SCAPER: variants seen among roughly 807,000 people sequenced by gnomAD.
The protein encoded by SCAPER is S-phase cyclin A associated protein in the ER, also known as S phase cyclin A-associated protein in the endoplasmic reticulum.
Under a neutral mutation model 182.2 loss-of-function variants are expected in SCAPER, and 98 were observed. The observed-to-expected ratio is 0.54, with a 90% confidence interval of 0.46 to 0.64. SCAPER has a LOEUF of 0.64. Among genes scored for constraint, SCAPER ranks in the 30% least tolerant of loss-of-function variants. The pLI is 0.00. For synonymous variants in SCAPER, 605 were observed against 564.6 expected (o/e 1.07, Z -1.01); for missense variants, 1,432 against 1,690.0 (o/e 0.85, Z 2.68).
chr15:76,779,191 C>G (rs1007783520), intron 8 of SCAPER, among the ~76,000 whole-genome samples: 2 of 151,704 alleles, frequency 1.3e-5, no homozygotes, highest in African/African-American at 4.8e-5. Context: ...TAAGATCAAC[C>G]AACAGAAAAT....
intron 21 of SCAPER, among the ~76,000 whole-genome samples, chr15:76,649,702 T>TA (rs35514634): frequency 0.27 from 40,831 of 149,894 alleles, 6,318 homozygotes; most frequent in East Asian, 0.55. Flanking sequence ...CCAAAGCCAT[T>TA]AAAAAAACAC....
intron 15 of SCAPER, among the ~76,000 whole-genome samples, chr15:76,749,462 A>G (rs1332331222): frequency 6.6e-6 from 1 of 152,090 alleles, no homozygotes; most frequent in Non-Finnish European, 1.5e-5. Flanking sequence ...CTTCACAACT[A>G]CTCAACACTG....
intron 26 of SCAPER, among the ~76,000 whole-genome samples, chr15:76,421,931 T>C (rs1486402053): frequency 6.6e-6 from 1 of 152,156 alleles, no homozygotes; most frequent in East Asian, 1.9e-4. Flanking sequence ...CAGATAGTTG[T>C]AGATGTGTGT....
At chr15:76,857,124 C>T (rs1051774888) in intron 4 of SCAPER, among the ~76,000 whole-genome samples, 2 of 152,016 alleles carry the variant, frequency 1.3e-5, no homozygotes, top group Non-Finnish European at 2.9e-5. Context: ...GAGCTAAGAG[C>T]ATAAACTGTG....
chr15:76,740,912 C>A (rs370208716), intron 15 of SCAPER, among the ~76,000 whole-genome samples: 1 of 151,916 alleles, frequency 6.6e-6, no homozygotes, highest in South Asian at 2.1e-4. Flanking sequence ...GGATGATATA[C>A]GAGTGCTAAT....
intron 23 of SCAPER, chr15:76,567,309 AT>A: frequency 2.2e-6 from 1 of 453,100 alleles, no homozygotes; most frequent in South Asian, 1.6e-5. Context: ...TTCTTGCACT[AT>A]TTTCCATATG....
At chr15:76,877,144 G>A (rs146346574) in intron 2 of SCAPER, among the ~76,000 whole-genome samples, 1,645 of 151,652 alleles carry the variant, frequency 0.011, 11 homozygotes, top group Non-Finnish European at 0.018. Context: ...CCAGGAGGTC[G>A]AGGCAGCAGT....
rs534504622 is a variant in SCAPER at position 76,678,487 on chromosome 15, A to G, written c.2509-12698T>C. On this transcript the variant is annotated intron_variant, in intron 20 of 31. Coordinates refer to ENST00000563290, the MANE Select transcript of SCAPER (RefSeq NM_020843.4). Reference sequence around the variant, plus strand: ...AAGCCTGCCCAGCACGACAACAAATAAGATAAATAGGAAGCATTTATAATA... The same window carrying G: ...AAGCCTGCCCAGCACGACAACAAATGAGATAAATAGGAAGCATTTATAATA... 2.0e-5 allele frequency among the ~76,000 whole-genome samples: 3 copies of G among 152,230 alleles called. No individual in the cohort carries two copies. The South Asian group carries it at 6.2e-4, about 32-fold the overall frequency.
At chr15:76,606,456 T>C (rs1248358363) in intron 22 of SCAPER, among the ~76,000 whole-genome samples, 1 of 152,092 alleles carries the variant, frequency 6.6e-6, no homozygotes, top group African/African-American at 2.4e-5. Flanking sequence ...CAATTTGGGG[T>C]AGGTGTGGTG....
At chr15:76,625,748 C>T (rs1033597086) in intron 21 of SCAPER, among the ~76,000 whole-genome samples, 2 of 152,052 alleles carry the variant, frequency 1.3e-5, no homozygotes, top group African/African-American at 2.4e-5. Flanking sequence ...GGGGCTTTCC[C>T]GTGGCTAGAC....
At chr15:76,859,033 T>C (rs181425331) in intron 3 of SCAPER, among the ~76,000 whole-genome samples, 1 of 152,270 alleles carries the variant, frequency 6.6e-6, no homozygotes, top group Non-Finnish European at 1.5e-5. Context: ...TTTCAACTCT[T>C]TGAGTAATCA....
chr15:76,446,278 C>T (rs1026036007), intron 25 of SCAPER, among the ~76,000 whole-genome samples: 2 of 152,058 alleles, frequency 1.3e-5, no homozygotes, highest in Non-Finnish European at 2.9e-5. Context: ...CAAGGTGACA[C>T]GTGAAAGTGC....
chr15:76,735,542 CA>C (rs34634386), intron 15 of SCAPER, among the ~76,000 whole-genome samples: 130,259 of 150,590 alleles, frequency 0.86, 56,377 homozygotes, highest in Admixed American at 0.9. Context: ...TACTAAAATA[CA>C]AAAAAAAAAT....
intron 5 of SCAPER, among the ~76,000 whole-genome samples, chr15:76,832,791 T>C (rs2151724781): frequency 1.3e-5 from 2 of 152,294 alleles, no homozygotes; most frequent in Middle Eastern, 3.4e-3. Flanking sequence ...GTAAGATGCC[T>C]GCTGCTCCCG....
At chr15:76,536,017 CACTT>C (rs1022268936) in intron 23 of SCAPER, among the ~76,000 whole-genome samples, 14 of 152,280 alleles carry the variant, frequency 9.2e-5, no homozygotes, top group Admixed American at 9.2e-4. Flanking sequence ...GCTCAACATA[CACTT>C]ACTGAGTAAA....
intron 23 of SCAPER, among the ~76,000 whole-genome samples, chr15:76,506,289 A>G (rs564065939): frequency 1.2e-4 from 18 of 152,308 alleles, no homozygotes; most frequent in Admixed American, 1.1e-3. Flanking sequence ...CAAAAAATGA[A>G]TGCTTTAGGT....
chr15:76,830,671 G>A (rs1342890500), intron 5 of SCAPER, among the ~76,000 whole-genome samples: 4 of 152,076 alleles, frequency 2.6e-5, no homozygotes, highest in Non-Finnish European at 1.5e-5. Flanking sequence ...AAACACATCA[G>A]GTTTGAGGTG....
intron 2 of SCAPER, among the ~76,000 whole-genome samples, chr15:76,881,796 T>C (rs1308614941): frequency 1.3e-5 from 2 of 152,178 alleles, no homozygotes; most frequent in African/African-American, 4.8e-5. Flanking sequence ...AGATGAATAA[T>C]AGTGATAGCT....
chr15:76,657,243 A>T (rs566659441), intron 21 of SCAPER, among the ~76,000 whole-genome samples: 1 of 152,258 alleles, frequency 6.6e-6, no homozygotes, highest in South Asian at 2.1e-4. Context: ...AGAAATGTAA[A>T]ACATCCCTCA....
Sources: allele counts gnomAD v4.1 joint callset (sites outside exome capture counted in the v4.1 genomes callset), GRCh38; gene constraint gnomAD v4.1.1; transcripts MANE v1.5; gene names NCBI Gene and HGNC (gene_info 2026-07-23, HGNC 2026-07-21).